The following GRIN2B variants were observed in gnomAD, a reference collection of about 807,000 sequenced individuals.
The protein encoded by GRIN2B is glutamate receptor ionotropic, NMDA 2B.
In GRIN2B, 5 loss-of-function variants were observed where a neutral mutation model predicts 114.5. That is an observed-to-expected ratio of 0.04 (90% confidence interval 0.02 to 0.09). GRIN2B has a LOEUF of 0.09. Among genes scored for constraint, GRIN2B ranks in the 10% least tolerant of loss-of-function variants. The pLI, the probability that GRIN2B is intolerant of heterozygous loss-of-function variation, is 1.00. For synonymous variants in GRIN2B, 787 were observed against 745.1 expected (o/e 1.06, Z -0.92); for missense variants, 1,108 against 1,943.5 (o/e 0.57, Z 8.08).
Position 13,899,628 on chromosome 12 carries a change from A to G in GRIN2B, c.-18-33402T>C, listed in dbSNP as rs749146069. ...TTCCTATGTCAAAATAATAATTTAAACCAAATAATTCATTGTAATTAAATA... is the reference window on the plus strand; with the variant it reads ...TTCCTATGTCAAAATAATAATTTAAGCCAAATAATTCATTGTAATTAAATA... On this transcript the variant is annotated intron_variant, in intron 2 of 13. Transcript: ENST00000609686. Among the ~76,000 whole-genome samples, 11 of 144,200 alleles carry G rather than the reference A, an allele frequency of 7.6e-5. 2 individuals are homozygous for G. The highest frequency in any genetic ancestry group is 1.3e-4 in the Non-Finnish European group (8 of 62,730). The allele number at this position is 144,200 out of a possible 152,430, so 94.6% of individuals were successfully genotyped here. A position where few individuals can be genotyped will look rare whatever the true frequency, so the allele number is the denominator to read the frequency against.
chr12:13,684,469 A>C (rs780073026), intron 4 of GRIN2B, among the ~76,000 whole-genome samples: 5 of 152,186 alleles, frequency 3.3e-5, no homozygotes, highest in Non-Finnish European at 5.9e-5. Context: ...ATGAAAAATG[A>C]AATTCCTCTT....
intron 10 of GRIN2B, among the ~76,000 whole-genome samples, chr12:13,581,909 CAAAA>C (rs71067711): frequency 5.0e-5 from 6 of 120,286 alleles, no homozygotes; most frequent in East Asian, 4.7e-4. Flanking sequence ...GACTTTGTCT[CAAAA>C]AAAAAAAAAA....
intron 2 of GRIN2B, among the ~76,000 whole-genome samples, chr12:13,920,616 C>T (rs1271301937): frequency 6.6e-6 from 1 of 152,036 alleles, no homozygotes; most frequent in Non-Finnish European, 1.5e-5. Context: ...CAGTGAGAGG[C>T]TCCAGACTGA....
chr12:13,730,059 G>C (rs1208126478), intron 4 of GRIN2B, among the ~76,000 whole-genome samples: 1 of 149,948 alleles, frequency 6.7e-6, no homozygotes, highest in Non-Finnish European at 1.5e-5. Context: ...GAGAGACTCA[G>C]ATAATTTCCT....
At chr12:13,876,586 C>T (rs1309534898) in intron 2 of GRIN2B, among the ~76,000 whole-genome samples, 1 of 152,192 alleles carries the variant, frequency 6.6e-6, no homozygotes, top group Non-Finnish European at 1.5e-5. Context: ...GCACCTACTT[C>T]CTCACTCCCT....
chr12:13,662,483 C>T (rs774192650), intron 5 of GRIN2B, among the ~76,000 whole-genome samples: 7 of 152,176 alleles, frequency 4.6e-5, no homozygotes, highest in African/African-American at 1.4e-4. Flanking sequence ...AAGAGTCTGA[C>T]AGCCACTGCA....
At chr12:13,649,194 C>G (rs1304428811) in intron 5 of GRIN2B, among the ~76,000 whole-genome samples, 3 of 151,984 alleles carry the variant, frequency 2.0e-5, no homozygotes, top group Non-Finnish European at 4.4e-5. Context: ...GGATTTGCAT[C>G]TAGTAGATGC....
At chr12:13,610,126 T>C (rs1263376419) in intron 9 of GRIN2B, 5 of 152,238 alleles carry the variant, frequency 3.3e-5, no homozygotes, top group Non-Finnish European at 7.3e-5. Flanking sequence ...GGACAACTCA[T>C]GTTGAACCTG....
chr12:13,845,337 T>C (rs1027321261), intron 3 of GRIN2B, among the ~76,000 whole-genome samples: 4 of 152,192 alleles, frequency 2.6e-5, no homozygotes, highest in African/African-American at 9.6e-5. Flanking sequence ...TTCATTAATA[T>C]ACTTTCAATC....
intron 5 of GRIN2B, among the ~76,000 whole-genome samples, chr12:13,642,856 G>T (rs1224461450): frequency 6.6e-6 from 1 of 152,186 alleles, no homozygotes; most frequent in Non-Finnish European, 1.5e-5. Flanking sequence ...CCATGGAGCT[G>T]GCTTTGGCAG....
chr12:13,779,303 C>G (rs1308774421), intron 3 of GRIN2B, among the ~76,000 whole-genome samples: 1 of 152,178 alleles, frequency 6.6e-6, no homozygotes, highest in African/African-American at 2.4e-5. Flanking sequence ...CTCGGCCTCC[C>G]AAAGTGCTGG....
intron 2 of GRIN2B, among the ~76,000 whole-genome samples, chr12:13,964,841 A>G (rs2136865810): frequency 6.6e-6 from 1 of 152,310 alleles, no homozygotes; most frequent in Non-Finnish European, 1.5e-5. Context: ...AGCGGTGCAA[A>G]GCTGACTCGC....
chr12:13,561,923 C>G lies in GRIN2B; in HGVS notation c.*860G>C, dbSNP rs202130572. 2.6e-5 allele frequency: 4 copies of G among 152,658 alleles called. No homozygotes were observed. The highest frequency in any genetic ancestry group is 4.8e-5 in the African/African-American group (2 of 41,456). The allele number at this position is 152,658 out of a possible 1,614,324, so 9.5% of individuals were successfully genotyped here. A position where few individuals can be genotyped will look rare whatever the true frequency, so the allele number is the denominator to read the frequency against. ...CAAAATTCAGGTAATACATGGCCAT[C>G]TCTGTCTGTATATAAGCCAAACAAT... is the stretch of plus-strand genomic sequence containing the variant. On this transcript the variant is annotated 3_prime_UTR_variant, in exon 14 of 14. Coordinates refer to ENST00000609686, the MANE Select transcript of GRIN2B (RefSeq NM_000834.5).
At chr12:13,848,854 C>T (rs1865511024) in intron 3 of GRIN2B, among the ~76,000 whole-genome samples, 1 of 152,122 alleles carries the variant, frequency 6.6e-6, no homozygotes, top group African/African-American at 2.4e-5. Context: ...TGTCCTTATC[C>T]CCCTCTCTGC....
At chr12:13,841,441 C>G (rs764795104) in intron 3 of GRIN2B, among the ~76,000 whole-genome samples, 1 of 152,192 alleles carries the variant, frequency 6.6e-6, no homozygotes, top group Non-Finnish European at 1.5e-5. Context: ...ACATTGATCA[C>G]TTCCCCCGCA....
intron 2 of GRIN2B, among the ~76,000 whole-genome samples, chr12:13,943,561 C>A (rs1867303433): frequency 6.6e-6 from 1 of 152,154 alleles, no homozygotes; most frequent in South Asian, 2.1e-4. Context: ...CACTTCTGCT[C>A]CATTCACTAA....
rs116015294 is a variant in GRIN2B at position 13,782,816 on chromosome 12, A to G, written c.412-28901T>C. 7.0e-3 allele frequency among the ~76,000 whole-genome samples: 1,071 copies of G among 152,294 alleles called. 15 individuals carry two copies. Among genetic ancestry groups the G allele is most frequent in the African/African-American group, 0.024 (983 of 41,568 alleles). Reference sequence around the variant, plus strand: ...TTGCCTCATCTTACCTCTGCACCAAAGGTCAAAGCTGCAGCCCAGCAGTGG... The same window carrying G: ...TTGCCTCATCTTACCTCTGCACCAAGGGTCAAAGCTGCAGCCCAGCAGTGG... On this transcript the variant is annotated intron_variant, in intron 3 of 13. Coordinates refer to ENST00000609686, the MANE Select transcript of GRIN2B (RefSeq NM_000834.5).
intron 5 of GRIN2B, among the ~76,000 whole-genome samples, chr12:13,633,617 T>C (rs1162654324): frequency 6.6e-6 from 1 of 152,232 alleles, no homozygotes; most frequent in African/African-American, 2.4e-5. Context: ...ATGTCTCTTG[T>C]TTCCTCAAAG....
intron 10 of GRIN2B, among the ~76,000 whole-genome samples, chr12:13,592,223 C>T (rs927452095): frequency 6.6e-6 from 1 of 152,190 alleles, no homozygotes; most frequent in Admixed American, 6.5e-5. Context: ...GAAAGAGGCC[C>T]TCGCTGGCAG....
Sources: allele counts gnomAD v4.1 joint callset (sites outside exome capture counted in the v4.1 genomes callset), GRCh38; gene constraint gnomAD v4.1.1; transcripts MANE v1.5; gene names NCBI Gene and HGNC (gene_info 2026-07-23, HGNC 2026-07-21).